ZDHHC7: variants seen among roughly 807,000 people sequenced by gnomAD.
ZDHHC7 encodes the protein palmitoyltransferase ZDHHC7.
In ZDHHC7, 12 loss-of-function variants were observed where a neutral mutation model predicts 34.1. That is an observed-to-expected ratio of 0.35 (90% confidence interval 0.23 to 0.57). The LOEUF (loss-of-function observed/expected upper bound fraction) is 0.57, where lower values mean the gene tolerates loss of function less well. ZDHHC7 is among the 20% of genes least tolerant of loss of function. ZDHHC7 has a pLI of 0.84. For missense variants in ZDHHC7, 388 were observed against 402.7 expected (o/e 0.96, Z 0.31); for synonymous variants, 185 against 155.4 (o/e 1.19, Z -1.42).
intron 3 of ZDHHC7, among the ~76,000 whole-genome samples, chr16:84,982,274 G>A (rs1164513008): frequency 6.6e-6 from 1 of 151,592 alleles, no homozygotes; most frequent in East Asian, 1.9e-4. Flanking sequence ...GAACTCAGGA[G>A]GTAGAGGTTG....
chr16:85,023,291 G>T, the ZDHHC7 span, among the ~76,000 whole-genome samples: 41,783 of 150,920 alleles, frequency 0.28, 6,518 homozygotes, highest in African/African-American at 0.44. Flanking sequence ...CTCCACCTCC[G>T]GAGTAGCTGG....
In ZDHHC7 at chr16:84,977,194, TAC is replaced by T; in HGVS notation, c.649_650del (p.Val217AsnfsTer9). ...CAAGGCACAGGAAGATCAACAGGAT[TAC>T]AGTTATCGGAGGTGAAAAATCACTG... The part of the protein sequence containing the change: ...ECSDFSPPIT[V>X]ILLIFLCLEG... On this transcript the variant is annotated frameshift_variant, in exon 7 of 8. Transcript: ENST00000313732. LOFTEE classifies it high-confidence loss of function. 1 of 1,614,158 alleles carries T rather than the reference TAC, an allele frequency of 6.2e-7. No homozygotes were observed. The highest frequency in any genetic ancestry group is 8.5e-7 in the Non-Finnish European group (1 of 1,180,028).
chr16:85,018,645 C>A, the ZDHHC7 span, among the ~76,000 whole-genome samples: 1 of 152,120 alleles, frequency 6.6e-6, no homozygotes, highest in South Asian at 2.1e-4. Context: ...CGGGGTATCT[C>A]CATGTTGGTC....
chr16:85,021,787 A>C, the ZDHHC7 span, among the ~76,000 whole-genome samples: 3 of 151,506 alleles, frequency 2.0e-5, no homozygotes, highest in Non-Finnish European at 4.4e-5. Context: ...GAGAGGAGAG[A>C]GAGAAGAGGG....
Position 84,974,453 on chromosome 16 carries a change from G to C in ZDHHC7, c.*1890C>G, listed in dbSNP as rs2072268407. 6.6e-6 allele frequency: 1 copy of C among 152,192 alleles called. No individual in the cohort carries two copies. Among genetic ancestry groups the C allele is most frequent in the Non-Finnish European group, 1.5e-5 (1 of 68,028 alleles). 9.4% of individuals were successfully genotyped at this position (152,192 alleles called of 1,614,324 possible). ...CCATCCAGGAAGAACGGGCGCTTTG[G>C]AAGCCATTTGAGAACTGTTAATTGA... On this transcript the variant is annotated 3_prime_UTR_variant, in exon 8 of 8. Coordinates refer to ENST00000313732, the MANE Select transcript of ZDHHC7 (RefSeq NM_017740.3).
chr16:84,990,852 T>C lies in ZDHHC7; in HGVS notation c.-17-217A>G, dbSNP rs376064572. On this transcript the variant is annotated intron_variant, in intron 2 of 7. Transcript: ENST00000313732. ...ACAGTAAGTCCCACAGTACAGGTTATGCCTACATATACAAAACCTATCTAT... is the reference window on the plus strand; with the variant it reads ...ACAGTAAGTCCCACAGTACAGGTTACGCCTACATATACAAAACCTATCTAT... 2.2e-3 allele frequency among the ~76,000 whole-genome samples: 261 copies of C among 117,438 alleles called. 2 individuals carry two copies. The highest frequency in any genetic ancestry group is 0.01 in the African/African-American group (250 of 24,536). 77.0% of individuals were successfully genotyped at this position (117,438 alleles called of 152,430 possible). A position where few individuals can be genotyped will look rare whatever the true frequency, so the allele number is the denominator to read the frequency against.
At chr16:84,987,690 C>T (rs2072454682) in intron 3 of ZDHHC7, among the ~76,000 whole-genome samples, 1 of 152,202 alleles carries the variant, frequency 6.6e-6, no homozygotes, top group African/African-American at 2.4e-5. Context: ...AAAAGCAGAA[C>T]TCGCCCAGAT....
intron 1 of ZDHHC7, among the ~76,000 whole-genome samples, chr16:85,010,350 G>C (rs1276817910): frequency 1.3e-5 from 2 of 152,078 alleles, no homozygotes; most frequent in African/African-American, 4.8e-5. Flanking sequence ...GTGACTAAAA[G>C]GTGATTTCAG....
chr16:85,007,938 C>G (rs2072739235), intron 1 of ZDHHC7, among the ~76,000 whole-genome samples: 1 of 151,976 alleles, frequency 6.6e-6, no homozygotes, highest in Non-Finnish European at 1.5e-5. Flanking sequence ...GCCTGGGTAT[C>G]ATAGTGAGAC....
the ZDHHC7 span, among the ~76,000 whole-genome samples, chr16:85,022,075 G>T: frequency 6.6e-6 from 1 of 150,510 alleles, no homozygotes; most frequent in Non-Finnish European, 1.5e-5. Flanking sequence ...CAGGAGAATG[G>T]CGTGAACCCG....
At chr16:84,989,542 A>C (rs2072480353) in intron 3 of ZDHHC7, among the ~76,000 whole-genome samples, 1 of 151,942 alleles carries the variant, frequency 6.6e-6, no homozygotes, top group African/African-American at 2.4e-5. Flanking sequence ...CTAAATATAC[A>C]AAATTAGCCA....
At chr16:84,988,864 T>C (rs2072472094) in intron 3 of ZDHHC7, 1 of 1,551,740 alleles carries the variant, frequency 6.4e-7, no homozygotes, top group South Asian at 1.2e-5. Flanking sequence ...CGGCAGTCAC[T>C]GGATTTTTCC....
intron 3 of ZDHHC7, among the ~76,000 whole-genome samples, chr16:84,987,848 C>A (rs2072456886): frequency 6.6e-6 from 1 of 152,188 alleles, no homozygotes; most frequent in Non-Finnish European, 1.5e-5. Context: ...GCACAAAAGG[C>A]CACAGACGAG....
chr16:85,020,454 A>T, the ZDHHC7 span, among the ~76,000 whole-genome samples: 1 of 152,134 alleles, frequency 6.6e-6, no homozygotes, highest in Non-Finnish European at 1.5e-5. Context: ...AGATGATATT[A>T]TTTGCTGAGA....
chr16:84,995,353 CA>C (rs1386801432), intron 2 of ZDHHC7, among the ~76,000 whole-genome samples: 1 of 152,236 alleles, frequency 6.6e-6, no homozygotes, highest in Non-Finnish European at 1.5e-5. Context: ...AGGCCGGGCA[CA>C]GTGGCTCACG....
chr16:85,012,464 C>T (rs2072807431), upstream of ZDHHC7, among the ~76,000 whole-genome samples: 1 of 150,544 alleles, frequency 6.6e-6, no homozygotes, highest in South Asian at 2.1e-4. Flanking sequence ...GTCAAAGATA[C>T]CATTTAACTC....
At chr16:84,995,680 G>A (rs1291238417) in intron 2 of ZDHHC7, among the ~76,000 whole-genome samples, 1 of 152,134 alleles carries the variant, frequency 6.6e-6, no homozygotes, top group African/African-American at 2.4e-5. Flanking sequence ...GGAAAGCGGG[G>A]TATTCCCCTC....
chr16:85,027,076 T>C, the ZDHHC7 span, among the ~76,000 whole-genome samples: 1 of 152,212 alleles, frequency 6.6e-6, no homozygotes, highest in African/African-American at 2.4e-5. Context: ...CTGAACGTTG[T>C]GTTTACTGTA....
chr16:84,997,303 C>G (rs1470841091), intron 1 of ZDHHC7, among the ~76,000 whole-genome samples: 1 of 124,498 alleles, frequency 8.0e-6, no homozygotes, highest in African/African-American at 3.0e-5. Context: ...GAGTCTTGCT[C>G]TGTCGCCCAG....
Sources: gnomAD v4.1 joint callset for allele counts (sites outside exome capture counted in the v4.1 genomes callset) on GRCh38, gnomAD v4.1.1 for gene constraint, MANE v1.5 for transcripts, NCBI Gene and HGNC (gene_info 2026-07-23, HGNC 2026-07-21) for gene names.